Variants in ACOXL observed in about 807,000 individuals in gnomAD.
The protein encoded by ACOXL is acyl-coenzyme A oxidase-like protein.
In ACOXL, 70 loss-of-function variants were observed where a neutral mutation model predicts 71.9. That is an observed-to-expected ratio of 0.97 (90% CI 0.80 to 1.19). ACOXL has a LOEUF of 1.19. ACOXL is among the 50% of genes most tolerant of loss of function. The probability of loss-of-function intolerance (pLI) is 0.00; values close to 1 mark genes in which losing one functional copy is unlikely to be tolerated. For synonymous variants in ACOXL, 253 were observed against 281.6 expected, an observed-to-expected ratio of 0.90 and a Z score of 1.02; for missense variants, 703 against 736.3, an observed-to-expected ratio of 0.95 and a Z score of 0.52.
intron 10 of ACOXL, among the ~76,000 whole-genome samples, chr2:110,881,991 A>G (rs999747459): frequency 6.6e-6 from 1 of 152,146 alleles, no homozygotes; most frequent in African/African-American, 2.4e-5. Context: ...TCAGGCAAAT[A>G]AGAATAGAAT....
chr2:111,080,028 C>G (rs1396887794), intron 16 of ACOXL, among the ~76,000 whole-genome samples: 1 of 152,162 alleles, frequency 6.6e-6, no homozygotes, highest in Non-Finnish European at 1.5e-5. Context: ...TTATAGTATT[C>G]TGTGATGGTA....
intron 12 of ACOXL, among the ~76,000 whole-genome samples, chr2:110,969,471 C>G (rs1191563669): frequency 6.6e-6 from 1 of 152,036 alleles, no homozygotes; most frequent in African/African-American, 2.4e-5. Flanking sequence ...TCACCAATAT[C>G]AGGAATGAAA....
intron 7 of ACOXL, among the ~76,000 whole-genome samples, 173 bp from the exon 8 acceptor site, chr2:110,801,479 A>G (rs1685986061): frequency 6.6e-6 from 1 of 152,208 alleles, no homozygotes; most frequent in African/African-American, 2.4e-5. Context: ...AGAAACAGGC[A>G]CAGCTCATCA....
chr2:110,796,864 G>T (rs1009155599), intron 5 of ACOXL, among the ~76,000 whole-genome samples: 1 of 152,220 alleles, frequency 6.6e-6, no homozygotes, highest in African/African-American at 2.4e-5. Flanking sequence ...GTTTTCTTAG[G>T]CTTCAAGACT....
intron 9 of ACOXL, among the ~76,000 whole-genome samples, chr2:110,815,514 A>C (rs1049826656): frequency 1.3e-5 from 2 of 152,244 alleles, no homozygotes; most frequent in Non-Finnish European, 2.9e-5. Flanking sequence ...ACTTCAATAC[A>C]GGGACCTTAG....
At chr2:111,055,924 G>A (rs1295127075) in intron 16 of ACOXL, among the ~76,000 whole-genome samples, 2 of 152,192 alleles carry the variant, frequency 1.3e-5, no homozygotes, top group African/African-American at 4.8e-5. Flanking sequence ...ATCCTCGTAA[G>A]CTAGAGCCAC....
intron 10 of ACOXL, among the ~76,000 whole-genome samples, chr2:110,842,849 G>A (rs1691336637): frequency 1.3e-5 from 2 of 152,130 alleles, no homozygotes; most frequent in Non-Finnish European, 1.5e-5. Flanking sequence ...GTTTTTTAGT[G>A]TATTGTGTCC....
intron 14 of ACOXL, among the ~76,000 whole-genome samples, chr2:111,025,499 T>TA (rs1451816803): frequency 3.3e-5 from 5 of 152,252 alleles, no homozygotes; most frequent in African/African-American, 4.8e-5. Context: ...TTGCAAGTCT[T>TA]ACTCATTTTA....
At chr2:111,039,629 G>A (rs763885537) in intron 15 of ACOXL, among the ~76,000 whole-genome samples, 2 of 152,322 alleles carry the variant, frequency 1.3e-5, no homozygotes, top group Non-Finnish European at 2.9e-5. Flanking sequence ...TATAACATTA[G>A]TGTAAGTAGA....
rs559369111 is a variant in ACOXL, at chr2:110,898,011, T to A, written c.789-10778T>A. The stretch of plus-strand genomic sequence containing the variant: ...AAACTTAGAGTAAAGAATAAATTCG[T>A]TAAAAAACCCACAAAATATCACAAC... On this transcript the variant is annotated intron_variant, in intron 10 of 17. Coordinates refer to ENST00000439055, the MANE Select transcript of ACOXL (RefSeq NM_001142807.4). Among the ~76,000 whole-genome samples the A allele has an allele frequency of 2.6e-5, 4 of 152,226 alleles. No homozygotes were observed. In the East Asian group the frequency reaches 7.7e-4, roughly 29 times the overall value.
At chr2:110,821,239 A>G (rs2105515627) in intron 9 of ACOXL, among the ~76,000 whole-genome samples, 1 of 152,234 alleles carries the variant, frequency 6.6e-6, no homozygotes, top group South Asian at 2.1e-4. Flanking sequence ...TTACAAGGAT[A>G]AGCTCTCTTT....
chr2:110,885,851 C>T (rs147978751), intron 10 of ACOXL, among the ~76,000 whole-genome samples: 3 of 152,232 alleles, frequency 2.0e-5, no homozygotes, highest in South Asian at 2.1e-4. Flanking sequence ...CTCAGCTGCT[C>T]GTAGCTGTTA....
chr2:111,090,281 C>T (rs2068451832), intron 16 of ACOXL, among the ~76,000 whole-genome samples: 1 of 152,136 alleles, frequency 6.6e-6, no homozygotes, highest in Non-Finnish European at 1.5e-5. Context: ...TGGCTCCAGA[C>T]ACAATGACTC....
intron 17 of ACOXL, among the ~76,000 whole-genome samples, chr2:111,101,411 G>A (rs185973808): frequency 6.6e-6 from 1 of 152,254 alleles, no homozygotes; most frequent in East Asian, 1.9e-4. Context: ...GGTGTTGGTT[G>A]TTTTCCATGC....
intron 1 of ACOXL, among the ~76,000 whole-genome samples, chr2:110,764,119 T>C (rs1042123987): frequency 6.6e-6 from 1 of 152,252 alleles, no homozygotes; most frequent in Non-Finnish European, 1.5e-5. Context: ...GAAGATAGTT[T>C]GGTGATTTCT....
At chr2:110,864,623 C>T (rs17041589) in intron 10 of ACOXL, among the ~76,000 whole-genome samples, 2,218 of 152,356 alleles carry the variant, frequency 0.015, 29 homozygotes, top group Middle Eastern at 0.058. Flanking sequence ...CCAAGGAGAC[C>T]AAATGCTCCC....
At chr2:111,060,050 G>C (rs750050919) in intron 16 of ACOXL, among the ~76,000 whole-genome samples, 32 of 152,132 alleles carry the variant, frequency 2.1e-4, no homozygotes, top group Non-Finnish European at 4.3e-4. Flanking sequence ...GGGGAGTGCA[G>C]ACTCCACACT....
chr2:110,921,361 T>G, intron 11 of ACOXL, among the ~76,000 whole-genome samples: 1 of 149,612 alleles, frequency 6.7e-6, no homozygotes, highest in South Asian at 2.1e-4. Context: ...TCTTGCTCTC[T>G]CTCTCTCTCT....
intron 9 of ACOXL, among the ~76,000 whole-genome samples, chr2:110,816,214 T>TGATGGATG (rs568333160): frequency 6.6e-6 from 1 of 150,846 alleles, no homozygotes; most frequent in African/African-American, 2.4e-5. Context: ...GATGGATAAA[T>TGATGGATG]GATGGATGGA....
Sources: gnomAD v4.1 joint callset for allele counts (sites outside exome capture counted in the v4.1 genomes callset) on GRCh38, gnomAD v4.1.1 for gene constraint, MANE v1.5 for transcripts, NCBI Gene and HGNC (gene_info 2026-07-23, HGNC 2026-07-21) for gene names.